HTR1F: variants seen among roughly 807,000 people sequenced by gnomAD.
HTR1F encodes the protein 5-hydroxytryptamine receptor 1F, also known as 5-hydroxytryptamine (serotonin) receptor 1F, G protein-coupled.
In HTR1F, 17 loss-of-function variants were observed where a neutral mutation model predicts 24.0. That is an observed-to-expected ratio of 0.71 (90% CI 0.48 to 1.06). The LOEUF is 1.06. Among genes scored for constraint, HTR1F ranks in the 50% least tolerant of loss-of-function variants. HTR1F has a pLI of 0.00. For synonymous variants in HTR1F, 186 were observed against 156.8 expected (o/e 1.19, Z -1.39); for missense variants, 391 against 427.8 (o/e 0.91, Z 0.76).
Position 87,870,576 on chromosome 3 carries a change from G to A in HTR1F, c.-43+48452G>A, listed in dbSNP as rs577516986. 3.3e-5 allele frequency among the ~76,000 whole-genome samples: 5 copies of A among 152,214 alleles called. No individual in the cohort carries two copies. In the East Asian group the frequency reaches 9.7e-4, roughly 29 times the overall value. On this transcript the variant is annotated intron_variant, in intron 2 of 2. Coordinates refer to ENST00000319595, the MANE Select transcript of HTR1F (RefSeq NM_001322209.2). ...AAAACACAGCTTCTGTCTTGGGAGAGAGAAAGAAAGGGGAACACACATCCA... is the reference window on the plus strand; with the variant it reads ...AAAACACAGCTTCTGTCTTGGGAGAAAGAAAGAAAGGGGAACACACATCCA...
chr3:87,814,479 A>C (rs1704216112), intron 1 of HTR1F, among the ~76,000 whole-genome samples: 1 of 152,108 alleles, frequency 6.6e-6, no homozygotes. Flanking sequence ...AGAGCTCTTG[A>C]ACTTATTCCT....
chr3:87,947,408 C>A (rs1704734879), intron 2 of HTR1F, among the ~76,000 whole-genome samples: 1 of 151,912 alleles, frequency 6.6e-6, no homozygotes, highest in Admixed American at 6.6e-5. Context: ...CTCTCAAAGT[C>A]TGAAGTTGTA....
intron 2 of HTR1F, among the ~76,000 whole-genome samples, chr3:87,840,418 T>C (rs1214830214): frequency 6.6e-6 from 1 of 152,004 alleles, no homozygotes; most frequent in Non-Finnish European, 1.5e-5. Context: ...ATAAAAAACA[T>C]GAAAATAAAC....
chr3:87,900,881 CAGAAATTTT>C (rs1706305962), intron 2 of HTR1F, among the ~76,000 whole-genome samples: 1 of 152,018 alleles, frequency 6.6e-6, no homozygotes, highest in Non-Finnish European at 1.5e-5. Flanking sequence ...GACATCCATG[CAGAAATTTT>C]AAGTAGATAG....
intron 2 of HTR1F, among the ~76,000 whole-genome samples, chr3:87,947,734 T>G (rs550221543): frequency 1.8e-4 from 28 of 152,256 alleles, no homozygotes; most frequent in Admixed American, 3.3e-4. Context: ...ATAATATATG[T>G]AAAAACTAAA....
At chr3:87,843,731 T>C (rs1357868638) in intron 2 of HTR1F, among the ~76,000 whole-genome samples, 5 of 135,178 alleles carry the variant, frequency 3.7e-5, no homozygotes, top group African/African-American at 5.8e-5. Context: ...CCTGTGTCCA[T>C]GTGATCTCAT....
intron 2 of HTR1F, among the ~76,000 whole-genome samples, chr3:87,838,127 G>T (rs4859106): frequency 0.45 from 68,625 of 151,858 alleles, 18,995 homozygotes; most frequent in South Asian, 0.64. Context: ...TAAAGAAAAA[G>T]AATCTTAATG....
At chr3:87,817,841 A>G (rs138824692) in intron 1 of HTR1F, among the ~76,000 whole-genome samples, 97 of 152,274 alleles carry the variant, frequency 6.4e-4, no homozygotes, top group African/African-American at 2.2e-3. Context: ...CCACCTCAGT[A>G]CTATTGCTCA....
chr3:87,939,611 G>A (rs551045156), intron 2 of HTR1F, among the ~76,000 whole-genome samples: 59 of 152,134 alleles, frequency 3.9e-4, no homozygotes, highest in Non-Finnish European at 3.8e-4. Context: ...GAGAGTGTAC[G>A]TGTCCAGGAA....
chr3:87,952,527 A>C (rs1237757109), intron 2 of HTR1F, among the ~76,000 whole-genome samples: 1 of 152,006 alleles, frequency 6.6e-6, no homozygotes, highest in Non-Finnish European at 1.5e-5. Context: ...GACAAGTACA[A>C]AAAGTGCTAA....
intron 2 of HTR1F, among the ~76,000 whole-genome samples, chr3:87,914,016 T>G (rs1703836765): frequency 6.6e-6 from 1 of 152,142 alleles, no homozygotes; most frequent in Non-Finnish European, 1.5e-5. Flanking sequence ...GGATTGCTCC[T>G]GCAGGACCCG....
In HTR1F at chr3:87,844,319, A is replaced by G. The variant is rs539945712; in HGVS notation, c.-43+22195A>G. Among the ~76,000 whole-genome samples, 138 of 145,900 alleles carry G rather than the reference A, an allele frequency of 9.5e-4. 2 individuals carry two copies. Among genetic ancestry groups the G allele is most frequent in the African/African-American group, 3.5e-3 (133 of 37,704 alleles). The stretch of plus-strand genomic sequence containing the variant: ...TTTCATGTGTTTTTTGGCTGCATAA[A>G]TGTCTTCTTTTGAGAAGTGTCTGTT... On this transcript the variant is annotated intron_variant, in intron 2 of 2. Coordinates refer to ENST00000319595, the MANE Select transcript of HTR1F (RefSeq NM_001322209.2).
intron 2 of HTR1F, among the ~76,000 whole-genome samples, chr3:87,940,399 A>G (rs1324599753): frequency 1.3e-5 from 2 of 152,332 alleles, no homozygotes; most frequent in African/African-American, 4.8e-5. Flanking sequence ...TCCCATTCAC[A>G]GTTGCTAAAA....
In HTR1F at chr3:87,992,477, T is replaced by C. The variant is rs1011570814; in HGVS notation, c.*627T>C. ...GGTTAGGTACAGCAAAATAATTCAA[T>C]ACTGAACTTGTGCATATTTAATGTA... On this transcript the variant is annotated 3_prime_UTR_variant, in exon 3 of 3. Coordinates refer to ENST00000319595, the MANE Select transcript of HTR1F (RefSeq NM_001322209.2). 42 of 167,176 alleles carry C rather than the reference T, an allele frequency of 2.5e-4. No individual in the cohort carries two copies. Among genetic ancestry groups the C allele is most frequent in the African/African-American group, 9.9e-4 (41 of 41,590 alleles). 10.4% of individuals were successfully genotyped at this position (167,176 alleles called of 1,614,324 possible). A position where few individuals can be genotyped will look rare whatever the true frequency, so the allele number is the denominator to read the frequency against.
In HTR1F at chr3:87,991,162, A is replaced by G; in HGVS notation, c.413A>G (p.Lys138Arg). 1 of 1,614,088 alleles carries G rather than the reference A, an allele frequency of 6.2e-7. No individual in the cohort carries two copies. Among genetic ancestry groups the G allele is most frequent in the East Asian group, 2.2e-5 (1 of 44,880 alleles). Residue 138 changes from lysine (K) to arginine (R), a missense_variant, in exon 3 of 3, where the codon AAG becomes AGG. By Grantham distance (26) the Lys-to-Arg change is conservative. Transcript: ENST00000319595. Reference protein sequence around the residue: ...AVEYARKRTPKHAGIMITIVW... With the variant: ...AVEYARKRTPRHAGIMITIVW... ...GAGTATGCCAGGAAAAGGACTCCAA[A>G]GCATGCTGGCATTATGATTACAATA...
intron 2 of HTR1F, among the ~76,000 whole-genome samples, chr3:87,824,791 AT>A (rs1422284201): frequency 6.6e-6 from 1 of 152,244 alleles, no homozygotes; most frequent in African/African-American, 2.4e-5. Flanking sequence ...AGAGTCAAAA[AT>A]TACCAAATTA....
chr3:87,800,929 T>C (rs891127278), intron 1 of HTR1F, among the ~76,000 whole-genome samples: 1 of 152,228 alleles, frequency 6.6e-6, no homozygotes, highest in African/African-American at 2.4e-5. Flanking sequence ...TTAAGACAGA[T>C]GGCTATTTCT....
intron 2 of HTR1F, among the ~76,000 whole-genome samples, chr3:87,965,448 G>A (rs988459050): frequency 1.3e-5 from 2 of 152,074 alleles, no homozygotes; most frequent in Non-Finnish European, 2.9e-5. Context: ...TATAAGTATT[G>A]TCAAATTATG....
chr3:87,840,803 ATTATG>A (rs1704786808), intron 2 of HTR1F, among the ~76,000 whole-genome samples: 1 of 152,012 alleles, frequency 6.6e-6, no homozygotes, highest in Non-Finnish European at 1.5e-5. Context: ...CCTAGAGGAT[ATTATG>A]TTAAGTTAAA....
Sources: gnomAD v4.1 joint callset for allele counts (sites outside exome capture counted in the v4.1 genomes callset) on GRCh38, gnomAD v4.1.1 for gene constraint, MANE v1.5 for transcripts, NCBI Gene and HGNC (gene_info 2026-07-23, HGNC 2026-07-21) for gene names.